The following FMN2 variants were observed in gnomAD, a reference collection of about 807,000 sequenced individuals.
The protein encoded by FMN2 is formin 2.
In FMN2, 51 loss-of-function variants were observed where a neutral mutation model predicts 142.3. The observed-to-expected ratio is 0.36, with a 90% CI of 0.29 to 0.45. FMN2 has a LOEUF of 0.45. Among genes scored for constraint, FMN2 ranks in the 20% least tolerant of loss-of-function variants. The pLI, the probability that FMN2 is intolerant of heterozygous loss-of-function variation, is 1.00. For synonymous variants in FMN2, 882 were observed against 869.8 expected (o/e 1.01, Z -0.25); for missense variants, 1,936 against 2,122.8 (o/e 0.91, Z 1.73).
At chr1:240,289,319 C>T (rs1669695355) in intron 7 of FMN2, among the ~76,000 whole-genome samples, 1 of 152,068 alleles carries the variant, frequency 6.6e-6, no homozygotes, top group Non-Finnish European at 1.5e-5. Flanking sequence ...CATGTACTAA[C>T]ACTGTTCCAT....
intron 3 of FMN2, among the ~76,000 whole-genome samples, chr1:240,182,697 A>G (rs1014395604): frequency 2.0e-5 from 3 of 152,198 alleles, no homozygotes; most frequent in African/African-American, 7.2e-5. Context: ...GCCAAGTGAA[A>G]TGTATCTCAT....
At chr1:240,314,304 G>A (rs1187320154) in intron 8 of FMN2, among the ~76,000 whole-genome samples, 1 of 152,102 alleles carries the variant, frequency 6.6e-6, no homozygotes, top group African/African-American at 2.4e-5. Flanking sequence ...TCTGTAGCAA[G>A]GAGTGCAAAT....
chr1:240,190,384 A>C (rs1486129397), intron 4 of FMN2, among the ~76,000 whole-genome samples: 1 of 152,206 alleles, frequency 6.6e-6, no homozygotes, highest in Non-Finnish European at 1.5e-5. Context: ...CATTTATTTT[A>C]CGGGCTGATT....
intron 1 of FMN2, among the ~76,000 whole-genome samples, chr1:240,114,656 CTTT>C (rs1219188121): frequency 7.3e-6 from 1 of 137,684 alleles, no homozygotes; most frequent in Admixed American, 7.3e-5. Flanking sequence ...TATATCATTT[CTTT>C]TTTTTTTTTT....
intron 4 of FMN2, among the ~76,000 whole-genome samples, chr1:240,203,760 G>A (rs975370385): frequency 6.6e-6 from 1 of 152,108 alleles, no homozygotes; most frequent in Non-Finnish European, 1.5e-5. Context: ...CATGGCCCAC[G>A]TTGACCTATG....
At chr1:240,193,611 G>A (rs552110537) in intron 4 of FMN2, among the ~76,000 whole-genome samples, 9 of 152,198 alleles carry the variant, frequency 5.9e-5, no homozygotes, top group Non-Finnish European at 8.8e-5. Flanking sequence ...AGGGAGAAGC[G>A]CAATAGTCCA....
At chr1:240,285,665 A>G (rs1194891825) in intron 7 of FMN2, among the ~76,000 whole-genome samples, 2 of 152,138 alleles carry the variant, frequency 1.3e-5, no homozygotes, top group Non-Finnish European at 2.9e-5. Context: ...CCTGGAAGCT[A>G]GGATAAATGT....
intron 2 of FMN2, among the ~76,000 whole-genome samples, chr1:240,148,897 G>A (rs553631487): frequency 3.3e-5 from 5 of 152,000 alleles, no homozygotes; most frequent in Middle Eastern, 3.4e-3. Flanking sequence ...GCGTGAACCC[G>A]GGAGGCGGAG....
chr1:240,116,993 G>A (rs1662050481), intron 1 of FMN2, among the ~76,000 whole-genome samples: 1 of 151,812 alleles, frequency 6.6e-6, no homozygotes, highest in Admixed American at 6.6e-5. Flanking sequence ...TTTTTTTAAA[G>A]CATGTTTGTG....
At chr1:240,230,596 T>C (rs1667500417) in intron 6 of FMN2, among the ~76,000 whole-genome samples, 1 of 132,118 alleles carries the variant, frequency 7.6e-6, no homozygotes, top group South Asian at 2.3e-4. Flanking sequence ...TTTTTCTATA[T>C]GGATTGTAAT....
intron 2 of FMN2, among the ~76,000 whole-genome samples, chr1:240,128,323 G>T (rs780898448): frequency 6.6e-6 from 1 of 151,994 alleles, no homozygotes; most frequent in Non-Finnish European, 1.5e-5. Context: ...TTACATAATT[G>T]TTGATTATTC....
At chr1:240,339,763 G>A (rs1338345382) in intron 13 of FMN2, among the ~76,000 whole-genome samples, 1 of 151,950 alleles carries the variant, frequency 6.6e-6, no homozygotes, top group Non-Finnish European at 1.5e-5. Context: ...ATGCAACTGG[G>A]ATTATGATGC....
At chr1:240,468,240 A>G (rs1676689356) in intron 16 of FMN2, among the ~76,000 whole-genome samples, 1 of 82,326 alleles carries the variant, frequency 1.2e-5, no homozygotes, top group Non-Finnish European at 2.3e-5. Flanking sequence ...GTGTATTCAC[A>G]CACACACATA....
intron 7 of FMN2, among the ~76,000 whole-genome samples, chr1:240,292,963 A>C (rs561964530): frequency 6.6e-6 from 1 of 152,264 alleles, no homozygotes; most frequent in Admixed American, 6.5e-5. Context: ...ATATGGAGAA[A>C]CAGTAACAGT....
At chr1:240,340,502 A>G (rs1470697879) in intron 13 of FMN2, among the ~76,000 whole-genome samples, 1 of 152,018 alleles carries the variant, frequency 6.6e-6, no homozygotes, top group Non-Finnish European at 1.5e-5. Context: ...AATTGCTTGA[A>G]CCTGGAAGGC....
At chr1:240,292,362 A>G (rs1007436259) in intron 7 of FMN2, among the ~76,000 whole-genome samples, 8 of 152,240 alleles carry the variant, frequency 5.3e-5, no homozygotes, top group Non-Finnish European at 1.0e-4. Context: ...CATTCTTAGC[A>G]TGATCTAGAA....
Position 240,381,360 on chromosome 1 carries a change from G to A in FMN2, c.4859-11151G>A, listed in dbSNP as rs557967691. ...AGTGGGTTCTATTTTAGGAATGCAA[G>A]GATGGTTTAACATACACATGTCAAT... On this transcript the variant is annotated intron_variant, in intron 14 of 17. Coordinates refer to ENST00000319653, the MANE Select transcript of FMN2 (RefSeq NM_020066.5). Among the ~76,000 whole-genome samples the A allele has an allele frequency of 1.3e-4, 20 of 152,250 alleles. No individual in the cohort carries two copies. In the South Asian group the frequency reaches 3.1e-3, roughly 24 times the overall value.
chr1:240,388,882 G>A (rs1339830788), intron 14 of FMN2, among the ~76,000 whole-genome samples: 6 of 151,246 alleles, frequency 4.0e-5, no homozygotes, highest in African/African-American at 1.5e-4. Flanking sequence ...AAAAAAGGGG[G>A]GGGGTCAAGC....
At chr1:240,156,420 A>T (rs1205768626) in intron 2 of FMN2, among the ~76,000 whole-genome samples, 1 of 152,162 alleles carries the variant, frequency 6.6e-6, no homozygotes. Flanking sequence ...TTCTCTTAAG[A>T]TGTCTCGGCA....
Sources: allele counts gnomAD v4.1 joint callset (sites outside exome capture counted in the v4.1 genomes callset), GRCh38; gene constraint gnomAD v4.1.1; transcripts MANE v1.5; gene names NCBI Gene and HGNC (gene_info 2026-07-23, HGNC 2026-07-21).